The following ANKS1B variants were observed in gnomAD, a reference collection of about 807,000 sequenced individuals.
The protein encoded by ANKS1B is ankyrin repeat and sterile alpha motif domain-containing protein 1B.
Under a neutral mutation model 148.3 loss-of-function variants are expected in ANKS1B, and 36 were observed. That is an observed-to-expected ratio of 0.24 (90% CI 0.19 to 0.32). The LOEUF (loss-of-function observed/expected upper bound fraction) is 0.32. Among genes scored for constraint, ANKS1B ranks in the 10% least tolerant of loss-of-function variants. ANKS1B has a pLI of 1.00. For synonymous variants in ANKS1B, 542 were observed against 560.8 expected, an observed-to-expected ratio of 0.97 and a Z score of 0.47; for missense variants, 1,157 against 1,542.6, an observed-to-expected ratio of 0.75 and a Z score of 4.19.
chr12:99,764,823 T>C (rs1160392230), intron 8 of ANKS1B, among the ~76,000 whole-genome samples: 1 of 152,210 alleles, frequency 6.6e-6, no homozygotes, highest in Non-Finnish European at 1.5e-5. Flanking sequence ...CTTGAATGCC[T>C]GAGTTAAACG....
intron 10 of ANKS1B, among the ~76,000 whole-genome samples, chr12:99,449,899 CTAT>C (rs2095700146): frequency 2.5e-4 from 3 of 11,814 alleles, no homozygotes; most frequent in African/African-American, 1.5e-3. Context: ...ATCCATCTAT[CTAT>C]CTATCTATCT....
chr12:99,195,969 T>C (rs1418772208), intron 14 of ANKS1B, among the ~76,000 whole-genome samples: 3 of 152,086 alleles, frequency 2.0e-5, no homozygotes, highest in Non-Finnish European at 4.4e-5. Flanking sequence ...GGATTCACCA[T>C]CCACATATAA....
At chr12:99,459,557 A>G (rs1347002516) in intron 10 of ANKS1B, among the ~76,000 whole-genome samples, 1 of 152,148 alleles carries the variant, frequency 6.6e-6, no homozygotes, top group Non-Finnish European at 1.5e-5. Context: ...TGAATTCAGC[A>G]AAGTTTCAGG....
chr12:99,095,826 A>G (rs1197938679), intron 15 of ANKS1B, among the ~76,000 whole-genome samples: 2 of 152,174 alleles, frequency 1.3e-5, no homozygotes, highest in Non-Finnish European at 2.9e-5. Context: ...TGTGTCAATT[A>G]TAGCATTGCC....
chr12:99,243,870 G>A (rs998141850), intron 14 of ANKS1B, among the ~76,000 whole-genome samples: 7 of 152,116 alleles, frequency 4.6e-5, no homozygotes, highest in South Asian at 2.1e-4. Flanking sequence ...GGCCTCTTGC[G>A]GGGTGGGGAG....
chr12:99,531,023 C>A (rs1217656923), intron 9 of ANKS1B, among the ~76,000 whole-genome samples: 1 of 152,152 alleles, frequency 6.6e-6, no homozygotes. Flanking sequence ...TCTCCTTATT[C>A]CCTCTGAGTA....
intron 14 of ANKS1B, among the ~76,000 whole-genome samples, chr12:99,162,352 T>C (rs957985961): frequency 3.9e-5 from 6 of 152,084 alleles, no homozygotes. Context: ...TATCAGTAGA[T>C]TTAAAATTAT....
rs112827598 is a variant in ANKS1B, at chr12:99,648,761, T to C, written c.1272+6306A>G. The C allele has an allele frequency of 6.2e-4, 1,000 of 1,612,754 alleles. 8 individuals are homozygous for C. In the African/African-American group the frequency reaches 0.011, roughly 18 times the overall value. On this transcript the variant is annotated intron_variant, in intron 9 of 26. Transcript: ENST00000683438. ...GCTGGGAACACATTGGACTCATCTGTGTTGGAGGAAGTGCAGAGGAGCCCA... is the reference window on the plus strand; with the variant it reads ...GCTGGGAACACATTGGACTCATCTGCGTTGGAGGAAGTGCAGAGGAGCCCA...
At chr12:98,964,320 G>A (rs1203669170) in intron 17 of ANKS1B, among the ~76,000 whole-genome samples, 1 of 152,178 alleles carries the variant, frequency 6.6e-6, no homozygotes, top group East Asian at 1.9e-4. Context: ...AGGATGTGGA[G>A]AAAAGGGAAC....
chr12:98,740,822 G>T (rs1191342510), downstream of ANKS1B, among the ~76,000 whole-genome samples: 1 of 152,168 alleles, frequency 6.6e-6, no homozygotes, highest in Non-Finnish European at 1.5e-5. Context: ...GAGCTTCCAG[G>T]AAAGCTCTTA....
In ANKS1B at chr12:99,351,586, G is replaced by A. The variant is rs114143613; in HGVS notation, c.1756+48045C>T. ...TAAATTAGTGTCTTTTCTTACCTTC[G>A]GTTTTCTTCTCTATAAAATGATAAT... On this transcript the variant is annotated intron_variant, in intron 12 of 26. Coordinates refer to ENST00000683438, the MANE Select transcript of ANKS1B (RefSeq NM_001352186.2). Among the ~76,000 whole-genome samples, 467 of 151,882 alleles carry A rather than the reference G, an allele frequency of 3.1e-3. 4 individuals carry two copies. The highest frequency in any genetic ancestry group is 0.011 in the African/African-American group (444 of 41,460).
chr12:99,561,680 C>T (rs1324103574), intron 9 of ANKS1B, among the ~76,000 whole-genome samples: 1 of 152,096 alleles, frequency 6.6e-6, no homozygotes, highest in Non-Finnish European at 1.5e-5. Flanking sequence ...TGCAGCCAAT[C>T]AGTCCCATCT....
At chr12:99,184,945 C>T (rs544270900) in intron 14 of ANKS1B, among the ~76,000 whole-genome samples, 3 of 152,322 alleles carry the variant, frequency 2.0e-5, no homozygotes, top group Admixed American at 6.5e-5. Flanking sequence ...ATATACTTTT[C>T]ATCACATATA....
At chr12:99,021,298 A>G (rs1349328510) in intron 17 of ANKS1B, among the ~76,000 whole-genome samples, 1 of 152,090 alleles carries the variant, frequency 6.6e-6, no homozygotes, top group Non-Finnish European at 1.5e-5. Flanking sequence ...ATTTTAGCAA[A>G]TCTTACTGCC....
intron 12 of ANKS1B, among the ~76,000 whole-genome samples, chr12:99,327,171 A>C (rs1602984643): frequency 8.4e-6 from 1 of 119,678 alleles, no homozygotes; most frequent in Non-Finnish European, 1.6e-5. Context: ...ATATATAATT[A>C]TATTATATAT....
intron 11 of ANKS1B, among the ~76,000 whole-genome samples, chr12:99,429,659 C>G (rs927777184): frequency 6.6e-6 from 1 of 152,224 alleles, no homozygotes; most frequent in East Asian, 1.9e-4. Flanking sequence ...GATAAATATC[C>G]TTGTTTGTAA....
At chr12:99,306,767 C>A (rs1251844080) in intron 12 of ANKS1B, among the ~76,000 whole-genome samples, 1 of 152,000 alleles carries the variant, frequency 6.6e-6, no homozygotes, top group Non-Finnish European at 1.5e-5. Flanking sequence ...GGTTAAATTT[C>A]CTATTTCATT....
intron 12 of ANKS1B, among the ~76,000 whole-genome samples, chr12:99,257,040 C>T (rs527775214): frequency 2.6e-5 from 4 of 152,124 alleles, no homozygotes; most frequent in Non-Finnish European, 5.9e-5. Context: ...GTCAGGAGAT[C>T]GAGACCATCC....
chr12:99,732,830 C>A (rs2059291748), intron 8 of ANKS1B, among the ~76,000 whole-genome samples: 1 of 152,030 alleles, frequency 6.6e-6, no homozygotes, highest in African/African-American at 2.4e-5. Context: ...GAGACACTGT[C>A]TTCATGTATA....
Sources: allele counts gnomAD v4.1 joint callset (sites outside exome capture counted in the v4.1 genomes callset), GRCh38; gene constraint gnomAD v4.1.1; transcripts MANE v1.5; gene names NCBI Gene and HGNC (gene_info 2026-07-23, HGNC 2026-07-21).